The following EMSY variants were observed in gnomAD, a reference collection of about 807,000 sequenced individuals.
EMSY encodes the protein EMSY transcriptional repressor, BRCA2 interacting.
A neutral mutation model predicts 134.6 loss-of-function variants in EMSY; 26 were observed. The observed-to-expected ratio is 0.19, with a 90% confidence interval of 0.14 to 0.27. EMSY has a LOEUF of 0.27. Among genes scored for constraint, EMSY ranks in the 10% least tolerant of loss-of-function variants. The pLI, the probability that EMSY is intolerant of heterozygous loss-of-function variation, is 1.00. For missense variants in EMSY, 1,305 were observed against 1,611.4 expected (o/e 0.81, Z 3.26); for synonymous variants, 579 against 577.8 (o/e 1.00, Z -0.03).
exon 19 of EMSY, chr11:76,544,622 A>G (rs1951572594): frequency 6.2e-7 from 1 of 1,613,960 alleles, no homozygotes; most frequent in African/African-American, 1.3e-5. Flanking sequence ...ACAGCATCCC[A>G]TGGTGGCCAA....
At chr11:76,525,002 G>A (rs1950795047) in intron 12 of EMSY, among the ~76,000 whole-genome samples, 1 of 152,298 alleles carries the variant, frequency 6.6e-6, no homozygotes, top group South Asian at 2.1e-4. Flanking sequence ...GGGTGACAGA[G>A]CAAGACTCTG....
chr11:76,494,979 G>T (rs569267851), intron 8 of EMSY, among the ~76,000 whole-genome samples: 1 of 151,942 alleles, frequency 6.6e-6, no homozygotes, highest in African/African-American at 2.4e-5. Context: ...CAGGTGATAC[G>T]CCTGCCTCAG....
At chr11:76,518,699 A>AT (rs1281981666) in intron 11 of EMSY, among the ~76,000 whole-genome samples, 4 of 124,692 alleles carry the variant, frequency 3.2e-5, no homozygotes, top group African/African-American at 1.2e-4. Context: ...ATATATATAT[A>AT]TATATTTTTT....
At chr11:76,550,240 C>T (rs552113488) in exon 21 of EMSY, 34 of 1,075,308 alleles carry the variant, frequency 3.2e-5, no homozygotes, top group East Asian at 2.1e-4. Flanking sequence ...GCACTTTGCC[C>T]GTACTTAGGC....
intron 7 of EMSY, among the ~76,000 whole-genome samples, chr11:76,466,640 C>T (rs556590819): frequency 7.9e-5 from 12 of 152,118 alleles, no homozygotes; most frequent in Non-Finnish European, 1.8e-4. Flanking sequence ...AAAGATGTCA[C>T]TATATAATAT....
intron 10 of EMSY, among the ~76,000 whole-genome samples, chr11:76,515,603 A>G (rs1239804507): frequency 6.6e-6 from 1 of 152,190 alleles, no homozygotes; most frequent in East Asian, 1.9e-4. Flanking sequence ...CTTTACTAAA[A>G]TGATAGAATA....
intron 4 of EMSY, among the ~76,000 whole-genome samples, chr11:76,454,241 A>C (rs1004699482): frequency 2.0e-5 from 3 of 152,136 alleles, no homozygotes; most frequent in Non-Finnish European, 4.4e-5. Context: ...ATTTGAATTG[A>C]CCCCAAAGAG....
chr11:76,486,448 A>G (rs2135586298), intron 8 of EMSY, among the ~76,000 whole-genome samples: 1 of 152,324 alleles, frequency 6.6e-6, no homozygotes, highest in East Asian at 1.9e-4. Flanking sequence ...GAACAGAGGC[A>G]TGAGTGTGGA....
At chr11:76,546,188 C>G in exon 20 of EMSY, 15 of 1,614,148 alleles carry the variant, frequency 9.3e-6, no homozygotes, top group Non-Finnish European at 1.3e-5. Context: ...TCTTCCCTAA[C>G]GACAAGGAAA....
intron 14 of EMSY, among the ~76,000 whole-genome samples, chr11:76,532,351 G>GTTT (rs201396066): frequency 4.5e-5 from 6 of 132,350 alleles, no homozygotes; most frequent in Non-Finnish European, 6.6e-5. Flanking sequence ...AGTCCAAAAT[G>GTTT]TTTTTTTTTT....
chr11:76,447,533 A>G (rs1310618239), intron 2 of EMSY, among the ~76,000 whole-genome samples: 1 of 152,154 alleles, frequency 6.6e-6, no homozygotes, highest in Non-Finnish European at 1.5e-5. Flanking sequence ...CACTTTTTCA[A>G]ATTATATTTT....
chr11:76,520,366 AG>A (rs1950599032), intron 11 of EMSY, among the ~76,000 whole-genome samples: 1 of 152,164 alleles, frequency 6.6e-6, no homozygotes, highest in South Asian at 2.1e-4. Context: ...TTGTTAAGCA[AG>A]TTTTGTCAAA....
At chr11:76,463,450 C>T (rs961769096) in intron 6 of EMSY, among the ~76,000 whole-genome samples, 7 of 151,420 alleles carry the variant, frequency 4.6e-5, no homozygotes, top group Non-Finnish European at 1.0e-4. Context: ...GGTGAAACCC[C>T]GTCTCTACTA....
rs1948056182 is a variant in EMSY, at chr11:76,460,299, TTGTC to T, written c.571+218_571+221del. 3 of 476,524 alleles carry T rather than the reference TTGTC, an allele frequency of 6.3e-6. No individual in the cohort carries two copies. The Admixed American group carries it at 1.0e-4, about 17-fold the overall frequency. 29.5% of individuals were successfully genotyped at this position (476,524 alleles called of 1,614,324 possible). A position where few individuals can be genotyped will look rare whatever the true frequency, so the allele number is the denominator to read the frequency against. ...GGTTTCAGAAGTGACTTCATTTTCA[TTGTC>T]TGTGGGTAATCTGCCTTTGAACTGT... On this transcript the variant is annotated intron_variant, in intron 6 of 20. Transcript: ENST00000334736.
At chr11:76,496,270 C>T in exon 9 of EMSY, 1 of 1,614,138 alleles carries the variant, frequency 6.2e-7, no homozygotes, top group Non-Finnish European at 8.5e-7. Context: ...CCCCCAAAAG[C>T]TTAGTGAGTG....
At chr11:76,478,286 A>G (rs1218103240) in intron 8 of EMSY, among the ~76,000 whole-genome samples, 1 of 151,514 alleles carries the variant, frequency 6.6e-6, no homozygotes, top group Non-Finnish European at 1.5e-5. Flanking sequence ...CCACCACTAT[A>G]CCACAATAGC....
intron 11 of EMSY, among the ~76,000 whole-genome samples, chr11:76,520,408 A>C (rs1192903280): frequency 6.6e-6 from 1 of 152,188 alleles, no homozygotes; most frequent in Non-Finnish European, 1.5e-5. Flanking sequence ...TATAAAGTCA[A>C]AAGCATAGTA....
At chr11:76,477,056 A>T (rs1948793271) in intron 8 of EMSY, among the ~76,000 whole-genome samples, 1 of 151,974 alleles carries the variant, frequency 6.6e-6, no homozygotes, top group Non-Finnish European at 1.5e-5. Context: ...GAAAATCCTG[A>T]TTCCTAATGA....
intron 12 of EMSY, among the ~76,000 whole-genome samples, chr11:76,525,932 A>G (rs745521668): frequency 2.8e-4 from 43 of 152,144 alleles, no homozygotes; most frequent in Non-Finnish European, 5.6e-4. Flanking sequence ...TCATGTAGAC[A>G]TTCTACTATA....
Sources: gnomAD v4.1 joint callset for allele counts (sites outside exome capture counted in the v4.1 genomes callset) on GRCh38, gnomAD v4.1.1 for gene constraint, MANE v1.5 for transcripts, NCBI Gene and HGNC (gene_info 2026-07-23, HGNC 2026-07-21) for gene names.